PARP8: variants seen among roughly 807,000 people sequenced by gnomAD.
PARP8 encodes the protein poly(ADP-ribose) polymerase family member 8.
A neutral mutation model predicts 124.1 loss-of-function variants in PARP8; 51 were observed. That is an observed-to-expected ratio of 0.41 (90% CI 0.33 to 0.52). PARP8 has a LOEUF of 0.52. PARP8 is among the 20% of genes least tolerant of loss of function. The pLI, the probability that PARP8 is intolerant of heterozygous loss-of-function variation, is 0.21. For missense variants in PARP8, 860 were observed against 1,018.9 expected (o/e 0.84, Z 2.12); for synonymous variants, 391 against 361.5 (o/e 1.08, Z -0.93).
At chr5:50,786,035 G>A (rs1429885098) in intron 9 of PARP8, among the ~76,000 whole-genome samples, 2 of 151,818 alleles carry the variant, frequency 1.3e-5, no homozygotes, top group Non-Finnish European at 2.9e-5. Context: ...ATTCACATCA[G>A]CAAATATTTC....
intron 7 of PARP8, among the ~76,000 whole-genome samples, chr5:50,773,888 G>A (rs1197272319): frequency 3.3e-5 from 5 of 150,792 alleles, no homozygotes; most frequent in Admixed American, 2.0e-4. Flanking sequence ...TCTTGGAGAG[G>A]GGGATGTGGC....
At chr5:50,816,904 G>A (rs1205214530) in intron 15 of PARP8, among the ~76,000 whole-genome samples, 2 of 151,952 alleles carry the variant, frequency 1.3e-5, no homozygotes, top group Admixed American at 6.6e-5. Flanking sequence ...GGAAAAAAAA[G>A]GTACTTTAAT....
At chr5:50,738,941 C>T (rs1580155377) in intron 2 of PARP8, 2 of 701,954 alleles carry the variant, frequency 2.8e-6, no homozygotes, top group Non-Finnish European at 5.2e-6. Flanking sequence ...CTGCCTCTGT[C>T]TCTGACATTT....
rs578028751 is a variant in PARP8, at chr5:50,779,851, C to A, written c.670+1201C>A. Among the ~76,000 whole-genome samples the A allele has an allele frequency of 1.4e-3, 208 of 152,224 alleles. 1 individual carries two copies. The highest frequency in any genetic ancestry group is 5.0e-3 in the African/African-American group (206 of 41,548). ...TCAAATTTATAAAATACAGGAAAATCTTTCATTTTTAAAGTTAGTCACTTG... is the reference window on the plus strand; with the variant it reads ...TCAAATTTATAAAATACAGGAAAATATTTCATTTTTAAAGTTAGTCACTTG... On this transcript the variant is annotated intron_variant, in intron 9 of 25. Coordinates refer to ENST00000281631, the MANE Select transcript of PARP8 (RefSeq NM_024615.4).
intron 2 of PARP8, among the ~76,000 whole-genome samples, chr5:50,680,391 C>T (rs779088900): frequency 6.6e-6 from 1 of 151,968 alleles, no homozygotes; most frequent in East Asian, 1.9e-4. Flanking sequence ...ATTTGTAAAC[C>T]GTTTGTGGTT....
At chr5:50,747,150 G>GTTTTTTTTTTT (rs1561320439) in intron 2 of PARP8, among the ~76,000 whole-genome samples, 4 of 38,482 alleles carry the variant, frequency 1.0e-4, no homozygotes, top group African/African-American at 2.8e-4. Flanking sequence ...GGTTTTTTTT[G>GTTTTTTTTTTT]TTTGTTTGTT....
At chr5:50,690,332 T>C (rs1399279714) in intron 2 of PARP8, among the ~76,000 whole-genome samples, 2 of 152,172 alleles carry the variant, frequency 1.3e-5, no homozygotes, top group Non-Finnish European at 2.9e-5. Context: ...TAGAAAAAAT[T>C]GGAAAAGCCA....
intron 7 of PARP8, among the ~76,000 whole-genome samples, chr5:50,774,343 T>C (rs1236503830): frequency 1.3e-5 from 2 of 152,212 alleles, no homozygotes; most frequent in African/African-American, 4.8e-5. Context: ...TTCTCGATGG[T>C]CACTGTCTCT....
chr5:50,743,072 A>G (rs1054910410), intron 2 of PARP8, among the ~76,000 whole-genome samples: 1 of 152,112 alleles, frequency 6.6e-6, no homozygotes, highest in African/African-American at 2.4e-5. Flanking sequence ...GGGGTTTGAG[A>G]TTTTAGAAGG....
chr5:50,844,354 T>G lies in PARP8; in HGVS notation c.*2286T>G, dbSNP rs1748455031. ...TATTCTAAGGAGAATCAATCTTATT[T>G]TTTAATTGAACTTTTTGAAATTAGG... On this transcript the variant is annotated 3_prime_UTR_variant, in exon 26 of 26. Transcript: ENST00000281631. 6.6e-6 allele frequency: 1 copy of G among 151,784 alleles called. No individual in the cohort carries two copies. Among genetic ancestry groups the G allele is most frequent in the Non-Finnish European group, 1.5e-5 (1 of 67,790 alleles). The allele number at this position is 151,784 out of a possible 1,614,324, so 9.4% of individuals were successfully genotyped here.
At chr5:50,687,416 A>G (rs1414107781) in intron 2 of PARP8, among the ~76,000 whole-genome samples, 1 of 152,126 alleles carries the variant, frequency 6.6e-6, no homozygotes, top group Non-Finnish European at 1.5e-5. Context: ...GGAAGTTCCA[A>G]ACTTTCCCAC....
Position 50,779,077 on chromosome 5 carries a change from G to T in PARP8, c.670+427G>T, listed in dbSNP as rs192513942. On this transcript the variant is annotated intron_variant, in intron 9 of 25. Coordinates refer to ENST00000281631, the MANE Select transcript of PARP8 (RefSeq NM_024615.4). Reference sequence around the variant, plus strand: ...GTTTGCTGAATCTTTAAGCGACAATGTTGCTATTTTATTTCAACTGATAGC... The same window carrying T: ...GTTTGCTGAATCTTTAAGCGACAATTTTGCTATTTTATTTCAACTGATAGC... 3.5e-4 allele frequency among the ~76,000 whole-genome samples: 53 copies of T among 152,210 alleles called. 1 individual carries two copies. In the East Asian group the frequency reaches 7.7e-3, roughly 22 times the overall value.
At chr5:50,674,217 C>T (rs1750358470) in intron 2 of PARP8, among the ~76,000 whole-genome samples, 1 of 152,240 alleles carries the variant, frequency 6.6e-6, no homozygotes, top group African/African-American at 2.4e-5. Flanking sequence ...AACCCCAGCA[C>T]ATTAAAACAA....
intron 2 of PARP8, among the ~76,000 whole-genome samples, chr5:50,709,961 T>C (rs1471948839): frequency 3.9e-4 from 37 of 95,972 alleles, no homozygotes; most frequent in East Asian, 2.3e-3. Flanking sequence ...TATATACACA[T>C]ACATATATAC....
intron 20 of PARP8, 95 bp from the exon 21 acceptor site, chr5:50,828,217 A>G: frequency 7.6e-7 from 1 of 1,313,172 alleles, no homozygotes; most frequent in East Asian, 2.3e-5. Context: ...GGCAATCCAG[A>G]ACCTTCAGAA....
chr5:50,799,889 T>C (rs1247719059), intron 14 of PARP8, among the ~76,000 whole-genome samples: 1 of 152,202 alleles, frequency 6.6e-6, no homozygotes. Context: ...CTCTGGTCTA[T>C]GAATCAGCAG....
At chr5:50,694,221 T>C (rs1463246090) in intron 2 of PARP8, among the ~76,000 whole-genome samples, 16 of 152,172 alleles carry the variant, frequency 1.1e-4, no homozygotes, top group Non-Finnish European at 2.4e-4. Context: ...TTGTGACACA[T>C]GTTGTGAAAT....
intron 14 of PARP8, among the ~76,000 whole-genome samples, chr5:50,814,759 T>A (rs1744900095): frequency 6.6e-6 from 1 of 152,130 alleles, no homozygotes; most frequent in Admixed American, 6.6e-5. Flanking sequence ...GTGTTAGGCT[T>A]CATCAGCTAC....
chr5:50,724,821 C>G (rs971938296), intron 2 of PARP8, among the ~76,000 whole-genome samples: 1 of 151,766 alleles, frequency 6.6e-6, no homozygotes, highest in Admixed American at 6.6e-5. Flanking sequence ...TACATTGTAC[C>G]TACTGTGTAG....
Sources: gnomAD v4.1 joint callset for allele counts (sites outside exome capture counted in the v4.1 genomes callset) on GRCh38, gnomAD v4.1.1 for gene constraint, MANE v1.5 for transcripts, NCBI Gene and HGNC (gene_info 2026-07-23, HGNC 2026-07-21) for gene names.